Variants in CLASP2 observed in about 807,000 individuals in gnomAD.
CLASP2 encodes cytoplasmic linker associated protein 2.
In CLASP2, 47 loss-of-function variants were observed where a neutral mutation model predicts 194.4. The observed-to-expected ratio is 0.24, with a 90% CI of 0.19 to 0.31. The LOEUF (loss-of-function observed/expected upper bound fraction) is 0.31, where lower values mean the gene tolerates loss of function less well. Ranked by LOEUF, CLASP2 falls within the 10% of genes least tolerant of loss-of-function variation. The pLI is 1.00. For synonymous variants in CLASP2, 619 were observed against 633.5 expected, an observed-to-expected ratio of 0.98 and a Z score of 0.34; for missense variants, 1,445 against 1,823.6, an observed-to-expected ratio of 0.79 and a Z score of 3.78.
At position 33,683,961 on chromosome 3, in the gene CLASP2, A is replaced by T. The variant is rs7650129; in HGVS notation, c.644+398T>A. ...AAAAAAAAAAAAAAAAAATTAAAATAGGCCAGGTGCAGTGACTCATGCCTG... is the reference window on the plus strand; with the variant it reads ...AAAAAAAAAAAAAAAAAATTAAAATTGGCCAGGTGCAGTGACTCATGCCTG... On this transcript the variant is annotated intron_variant, in intron 6 of 38. Transcript: ENST00000682230. 8.7e-5 allele frequency among the ~76,000 whole-genome samples: 13 copies of T among 148,664 alleles called. No individual in the cohort carries two copies. In the South Asian group the frequency reaches 1.7e-3, roughly 19 times the overall value.
intron 6 of CLASP2, among the ~76,000 whole-genome samples, chr3:33,681,585 A>T (rs537810065): frequency 3.0e-4 from 45 of 152,344 alleles, no homozygotes; most frequent in Non-Finnish European, 3.8e-4. Context: ...AGAATGGGGG[A>T]AACTTCACAG....
At chr3:33,696,296 A>C (rs941100960) in intron 2 of CLASP2, among the ~76,000 whole-genome samples, 1 of 151,410 alleles carries the variant, frequency 6.6e-6, no homozygotes, top group African/African-American at 2.4e-5. Context: ...GTTATATTAC[A>C]AATTGTGGCA....
chr3:33,524,529 T>C (rs147939105), intron 34 of CLASP2, among the ~76,000 whole-genome samples: 1 of 152,098 alleles, frequency 6.6e-6, no homozygotes, highest in South Asian at 2.1e-4. Flanking sequence ...CATGTGCCTA[T>C]AATCCCAGCT....
At chr3:33,555,455 A>G (rs2060757996) in intron 29 of CLASP2, among the ~76,000 whole-genome samples, 1 of 150,982 alleles carries the variant, frequency 6.6e-6, no homozygotes. Context: ...TAGCCTTGAC[A>G]TCCCAACTCA....
chr3:33,675,677 T>A (rs1290621490), intron 6 of CLASP2, among the ~76,000 whole-genome samples: 1 of 148,118 alleles, frequency 6.8e-6, no homozygotes, highest in Non-Finnish European at 1.5e-5. Context: ...TGATTGTATA[T>A]CTAGAAAACC....
At chr3:33,702,022 T>C (rs1182324555) in intron 1 of CLASP2, among the ~76,000 whole-genome samples, 1 of 152,150 alleles carries the variant, frequency 6.6e-6, no homozygotes, top group East Asian at 1.9e-4. Context: ...GAACTTCTGC[T>C]GTTTAAAAGA....
At chr3:33,635,004 T>C (rs2079850032) in intron 8 of CLASP2, among the ~76,000 whole-genome samples, 1 of 151,988 alleles carries the variant, frequency 6.6e-6, no homozygotes, top group African/African-American at 2.4e-5. Context: ...CTCACACCTG[T>C]AATCTGGGAG....
At chr3:33,645,203 C>A (rs574092844) in intron 7 of CLASP2, 1 of 759,532 alleles carries the variant, frequency 1.3e-6, no homozygotes, top group South Asian at 1.4e-5. Context: ...TGCTACTCTG[C>A]ATTTTCTGCC....
rs773174006 is a variant in CLASP2 at position 33,698,452 on chromosome 3, C to T, written c.196-1519G>A. 3.9e-4 allele frequency among the ~76,000 whole-genome samples: 60 copies of T among 152,156 alleles called. 1 individual carries two copies. Among genetic ancestry groups the T allele is most frequent in the Middle Eastern group, 3.4e-3 (1 of 294 alleles). On this transcript the variant is annotated intron_variant, in intron 1 of 38. Transcript: ENST00000682230. ...GCTAGACCAGAAAAACAAAGAATGA[C>T]GCTGTTTCCCCCAACCAGACCAGCA... is the stretch of plus-strand genomic sequence containing the variant.
chr3:33,684,787 G>A (rs988013117), intron 5 of CLASP2, among the ~76,000 whole-genome samples: 1 of 151,562 alleles, frequency 6.6e-6, no homozygotes, highest in Admixed American at 6.6e-5. Context: ...ATTGCCTGAT[G>A]TCAGGAGTTT....
chr3:33,703,252 C>T (rs1435302629), intron 1 of CLASP2, among the ~76,000 whole-genome samples: 1 of 152,054 alleles, frequency 6.6e-6, no homozygotes, highest in Non-Finnish European at 1.5e-5. Flanking sequence ...TCTTAAAACT[C>T]AACAACAAGA....
chr3:33,567,141 T>C (rs773630740), intron 26 of CLASP2, among the ~76,000 whole-genome samples: 1 of 152,190 alleles, frequency 6.6e-6, no homozygotes, highest in Non-Finnish European at 1.5e-5. Flanking sequence ...TTTTCCTTTC[T>C]TTTCTCTTTT....
At chr3:33,615,529 T>C (rs1283033101) in intron 12 of CLASP2, among the ~76,000 whole-genome samples, 1 of 149,592 alleles carries the variant, frequency 6.7e-6, no homozygotes, top group Non-Finnish European at 1.5e-5. Flanking sequence ...ATTGACAAAA[T>C]TAGAACCAGA....
intron 7 of CLASP2, among the ~76,000 whole-genome samples, chr3:33,647,838 T>C (rs1348496768): frequency 2.0e-5 from 3 of 152,100 alleles, no homozygotes. Context: ...ATTGAGACCA[T>C]CCTGGCTAAC....
chr3:33,532,366 T>TG (rs2056514683), intron 34 of CLASP2, among the ~76,000 whole-genome samples: 1 of 151,316 alleles, frequency 6.6e-6, no homozygotes, highest in Non-Finnish European at 1.5e-5. Flanking sequence ...GGGGCTGGAG[T>TG]GGGGGTGGAA....
chr3:33,668,535 G>A lies in CLASP2; in HGVS notation c.645-5020C>T, dbSNP rs547568855. On this transcript the variant is annotated intron_variant, in intron 6 of 38. Coordinates refer to ENST00000682230, the MANE Select transcript of CLASP2 (RefSeq NM_001365631.1). The stretch of plus-strand genomic sequence containing the variant: ...ATGGTAGTGGAAAAAGGGAAATAGT[G>A]GAACAATAGTCTGAAGAAAGGTGTA... Among the ~76,000 whole-genome samples the A allele has an allele frequency of 2.6e-5, 4 of 152,288 alleles. No homozygotes were observed. In the South Asian group the frequency reaches 8.3e-4, roughly 32 times the overall value.
chr3:33,608,943 C>T (rs2074509608), intron 13 of CLASP2, among the ~76,000 whole-genome samples: 1 of 151,908 alleles, frequency 6.6e-6, no homozygotes, highest in East Asian at 1.9e-4. Context: ...TTCAAAAATA[C>T]TTTAAGACTT....
chr3:33,575,909 G>T (rs971739126), intron 24 of CLASP2, among the ~76,000 whole-genome samples: 2 of 152,032 alleles, frequency 1.3e-5, no homozygotes, highest in African/African-American at 4.8e-5. Context: ...ATACTATAGT[G>T]TATAAAACAC....
chr3:33,644,840 A>C lies in CLASP2; in HGVS notation c.779T>G (p.Phe260Cys), dbSNP rs1455403549. Residue 260 changes from phenylalanine (F) to cysteine (C), a missense_variant, in exon 8 of 39, where the codon TTC becomes TGC. Phe to Cys is a radical substitution (Grantham distance 205). Coordinates refer to ENST00000682230, the MANE Select transcript of CLASP2 (RefSeq NM_001365631.1). ...GGATGTTTTAGGTGCAGGAACCTTGAAGGCTGATGCAGCTGATGATGGCCT... is the reference window on the plus strand; with the variant it reads ...GGATGTTTTAGGTGCAGGAACCTTGCAGGCTGATGCAGCTGATGATGGCCT... The part of the protein sequence containing the change: ...GNRPSSAASA[F>C]KVPAPKTSGN... 6.2e-7 allele frequency: 1 copy of C among 1,611,626 alleles called. No individual in the cohort carries two copies. The highest frequency in any genetic ancestry group is 8.5e-7 in the Non-Finnish European group (1 of 1,178,862).
Sources: gnomAD v4.1 joint callset for allele counts (sites outside exome capture counted in the v4.1 genomes callset) on GRCh38, gnomAD v4.1.1 for gene constraint, MANE v1.5 for transcripts, NCBI Gene and HGNC (gene_info 2026-07-23, HGNC 2026-07-21) for gene names.